TTLL6: variants seen among roughly 807,000 people sequenced by gnomAD.
The protein encoded by TTLL6 is tubulin tyrosine ligase like 6, also known as tubulin polyglutamylase TTLL6.
Under a neutral mutation model 96.4 loss-of-function variants are expected in TTLL6, and 75 were observed. The observed-to-expected ratio is 0.78, with a 90% confidence interval of 0.65 to 0.94. TTLL6 has a LOEUF of 0.94. Ranked by LOEUF, TTLL6 falls within the 40% of genes least tolerant of loss-of-function variation. TTLL6 has a pLI of 0.00. For synonymous variants in TTLL6, 411 were observed against 419.4 expected (o/e 0.98, Z 0.24); for missense variants, 1,030 against 1,093.0 (o/e 0.94, Z 0.81).
intron 2 of TTLL6, chr17:48,804,345 G>C (rs925215345): frequency 2.1e-6 from 1 of 483,500 alleles, no homozygotes; most frequent in African/African-American, 2.0e-5. Flanking sequence ...TCATCAATCA[G>C]TCTGAATGGA....
chr17:48,814,855 C>A (rs1348673004), intron 1 of TTLL6, among the ~76,000 whole-genome samples: 1 of 152,232 alleles, frequency 6.6e-6, no homozygotes, highest in African/African-American at 2.4e-5. Flanking sequence ...TCTCAGCTCA[C>A]CGCAACCTCT....
intron 13 of TTLL6, among the ~76,000 whole-genome samples, 179 bp from the exon 14 acceptor site, chr17:48,770,276 G>A (rs904553385): frequency 3.0e-4 from 46 of 151,876 alleles, no homozygotes; most frequent in African/African-American, 1.1e-3. Flanking sequence ...CTACATGTGA[G>A]TGCCACCATG....
At position 48,810,803 on chromosome 17, in the gene TTLL6, TACAC is replaced by T. The variant is rs1457534351; in HGVS notation, c.104-5816_104-5813del. 1.1e-3 allele frequency among the ~76,000 whole-genome samples: 70 copies of T among 61,258 alleles called. 4 individuals are homozygous for T. Among genetic ancestry groups the T allele is most frequent in the African/African-American group, 4.0e-3 (58 of 14,436 alleles). 40.2% of individuals were successfully genotyped at this position (61,258 alleles called of 152,430 possible). On this transcript the variant is annotated intron_variant, in intron 1 of 15. Coordinates refer to ENST00000393382, the MANE Select transcript of TTLL6 (RefSeq NM_001130918.3). ...TGTGTATATATATATAGTACATATATACACATATATAGTATGTGTGTGTATATAT... is the reference window on the plus strand; with the variant it reads ...TGTGTATATATATATAGTACATATATATATATAGTATGTGTGTGTATATAT...
intron 13 of TTLL6, among the ~76,000 whole-genome samples, chr17:48,779,784 T>C (rs2038952279): frequency 6.6e-6 from 1 of 152,202 alleles, no homozygotes; most frequent in South Asian, 2.1e-4. Context: ...GATATGGTAC[T>C]GAGCCAAAGA....
intron 6 of TTLL6, among the ~76,000 whole-genome samples, chr17:48,798,817 CTTTT>C (rs546272759): frequency 9.4e-5 from 11 of 116,924 alleles, no homozygotes; most frequent in Admixed American, 9.5e-5. Context: ...TGTTGCAGTT[CTTTT>C]TTTTTTTTTT....
intron 1 of TTLL6, among the ~76,000 whole-genome samples, chr17:48,810,139 CA>C (rs59291777): frequency 0.22 from 13,694 of 61,658 alleles, 382 homozygotes; most frequent in Non-Finnish European, 0.25. Flanking sequence ...AACTCTGTCT[CA>C]AAAAAAAAAA....
intron 13 of TTLL6, among the ~76,000 whole-genome samples, chr17:48,780,437 A>G (rs185057984): frequency 6.6e-5 from 10 of 152,358 alleles, no homozygotes; most frequent in Non-Finnish European, 7.3e-5. Context: ...AGGAGACTCC[A>G]GGATCCAATC....
At chr17:48,801,142 G>T in intron 5 of TTLL6, 113 bp downstream of exon 5, 1 of 930,686 alleles carries the variant, frequency 1.1e-6, no homozygotes, top group Non-Finnish European at 1.6e-6. Flanking sequence ...AAAGTAGCCA[G>T]AGAGATGGGA....
At chr17:48,770,498 AT>A (rs137884464) in intron 13 of TTLL6, among the ~76,000 whole-genome samples, 18,702 of 148,928 alleles carry the variant, frequency 0.13, 1,439 homozygotes, top group Non-Finnish European at 0.17. Flanking sequence ...AATAGGTATT[AT>A]TATTGTTGTT....
intron 6 of TTLL6, 121 bp downstream of exon 6, chr17:48,799,483 G>A: frequency 9.3e-7 from 1 of 1,077,816 alleles, no homozygotes; most frequent in Non-Finnish European, 1.3e-6. Flanking sequence ...GTGCAAGGCA[G>A]AAGCCAGGTC....
At chr17:48,812,066 C>CCG (rs1555569802) in intron 1 of TTLL6, 1 of 99,814 alleles carries the variant, frequency 1.0e-5, no homozygotes, top group African/African-American at 3.5e-5. Flanking sequence ...ATGCTGGGAC[C>CCG]CCCCCCCCCA....
intron 13 of TTLL6, among the ~76,000 whole-genome samples, chr17:48,774,074 C>A (rs1295001558): frequency 9.6e-6 from 1 of 104,210 alleles, no homozygotes. Context: ...AAGAGCAAAA[C>A]TCCATCTCAA....
chr17:48,804,988 G>T lies in TTLL6; in HGVS notation c.107C>A (p.Ala36Asp), dbSNP rs1338743803. ...GRDGGVGIAG[A>D]WYFPRASSQA... ...GGAGGAGGCTCTGGGGAAATACCAG[G>T]CCCCTAGAGAGAGGGCAGAGGGAGC... The change falls in exon 2 of 16, where the codon GCC becomes GAC. Residue 36 changes from alanine to aspartate, a missense_variant. Coordinates refer to ENST00000393382, the MANE Select transcript of TTLL6 (RefSeq NM_001130918.3). 1 of 1,551,192 alleles carries T rather than the reference G, an allele frequency of 6.4e-7. No individual in the cohort carries two copies. Among genetic ancestry groups the T allele is most frequent in the South Asian group, 1.2e-5 (1 of 84,054 alleles).
Position 48,804,967 on chromosome 17 carries a change from G to A in TTLL6, c.128C>T (p.Ser43Phe). The A allele has an allele frequency of 1.3e-6, 2 of 1,551,686 alleles. No homozygotes were observed. Among genetic ancestry groups the A allele is most frequent in the Admixed American group, 2.0e-5 (1 of 51,004 alleles). Residue 43 changes from serine (S) to phenylalanine (F), a missense_variant, in exon 2 of 16, where the codon TCC (serine) becomes TTC (phenylalanine). Transcript: ENST00000393382. ...CTGTGGCATCTCCCTGGCCTGGGAG[G>A]AGGCTCTGGGGAAATACCAGGCCCC... ...IAGAWYFPRA[S>F]SQAREMPQCP...
intron 13 of TTLL6, among the ~76,000 whole-genome samples, chr17:48,783,020 G>T (rs1252510270): frequency 6.6e-6 from 1 of 151,982 alleles, no homozygotes; most frequent in Non-Finnish European, 1.5e-5. Flanking sequence ...GCCTTAACTG[G>T]TACTTTTTCA....
chr17:48,802,608 C>T (rs4793603), intron 3 of TTLL6, among the ~76,000 whole-genome samples: 42,546 of 152,132 alleles, frequency 0.28, 6,874 homozygotes, highest in Non-Finnish European at 0.37. Context: ...CAGCGGCTCA[C>T]GCCTGTAATC....
intron 1 of TTLL6, among the ~76,000 whole-genome samples, chr17:48,808,901 C>A (rs2039542741): frequency 6.6e-6 from 1 of 152,116 alleles, no homozygotes; most frequent in Admixed American, 6.5e-5. Context: ...AACTTTTATA[C>A]CCTACAGCCA....
chr17:48,769,205 G>A lies in TTLL6; in HGVS notation c.2460C>T (p.Gly820=), dbSNP rs138581790. The A allele has an allele frequency of 2.2e-4, 350 of 1,613,036 alleles. No individual in the cohort carries two copies. The highest frequency in any genetic ancestry group is 2.5e-4 in the Non-Finnish European group (292 of 1,179,346). The change falls in exon 15 of 16, where the codon GGC becomes GGT. Residue 820 remains glycine (G), a synonymous_variant. Coordinates refer to ENST00000393382, the MANE Select transcript of TTLL6 (RefSeq NM_001130918.3). ...AGGACACATCCAGCTGCCTCTTCTC[G>A]CCAGAGCTGTCACTGCGGGAGTGGC... The part of the protein sequence containing the change: ...GECHSRSDSS[G]EKRQLDVSSL...
At chr17:48,772,353 A>T (rs1357069308) in intron 13 of TTLL6, among the ~76,000 whole-genome samples, 1 of 152,150 alleles carries the variant, frequency 6.6e-6, no homozygotes, top group Non-Finnish European at 1.5e-5. Flanking sequence ...ATAAAAATAA[A>T]GAAATAAAAT....
Sources: allele counts gnomAD v4.1 joint callset (sites outside exome capture counted in the v4.1 genomes callset), GRCh38; gene constraint gnomAD v4.1.1; transcripts MANE v1.5; gene names NCBI Gene and HGNC (gene_info 2026-07-23, HGNC 2026-07-21).